SLC25A21: variants seen among roughly 807,000 people sequenced by gnomAD.
SLC25A21 encodes mitochondrial 2-oxodicarboxylate carrier.
Under a neutral mutation model 43.8 loss-of-function variants are expected in SLC25A21, and 47 were observed. That is an observed-to-expected ratio of 1.07 (90% confidence interval 0.85 to 1.37). The LOEUF (loss-of-function observed/expected upper bound fraction) is 1.37. SLC25A21 is among the 40% of genes most tolerant of loss of function. The pLI, the probability that SLC25A21 is intolerant of heterozygous loss-of-function variation, is 0.00. For missense variants in SLC25A21, 352 were observed against 350.2 expected, an observed-to-expected ratio of 1.00 and a Z score of -0.04; for synonymous variants, 131 against 121.3, an observed-to-expected ratio of 1.08 and a Z score of -0.52.
chr14:36,901,360 G>C (rs1891393850), intron 1 of SLC25A21, among the ~76,000 whole-genome samples: 1 of 152,116 alleles, frequency 6.6e-6, no homozygotes, highest in Admixed American at 6.6e-5. Flanking sequence ...AGATGGATTA[G>C]TAATCTCATA....
intron 3 of SLC25A21, among the ~76,000 whole-genome samples, chr14:36,809,605 G>A (rs1377328182): frequency 6.6e-6 from 1 of 152,176 alleles, no homozygotes; most frequent in Non-Finnish European, 1.5e-5. Context: ...TCTGAGCAGA[G>A]AGGTGAGGAA....
chr14:36,991,731 C>G (rs536310299), intron 1 of SLC25A21, among the ~76,000 whole-genome samples: 1 of 151,418 alleles, frequency 6.6e-6, no homozygotes, highest in Admixed American at 6.6e-5. Context: ...ATAACCAATA[C>G]ACAATACAGG....
At chr14:36,972,143 C>A (rs1158275676) in intron 1 of SLC25A21, among the ~76,000 whole-genome samples, 1 of 152,068 alleles carries the variant, frequency 6.6e-6, no homozygotes, top group East Asian at 1.9e-4. Flanking sequence ...GTTACAGTTG[C>A]CTACAGTATT....
chr14:36,929,920 T>C (rs1347134791), intron 1 of SLC25A21, among the ~76,000 whole-genome samples: 1 of 152,194 alleles, frequency 6.6e-6, no homozygotes, highest in Non-Finnish European at 1.5e-5. Context: ...AGAAGCCGTG[T>C]AGCTTCCACC....
chr14:37,040,432 AAAG>A (rs1961444826), intron 1 of SLC25A21, among the ~76,000 whole-genome samples: 1 of 103,750 alleles, frequency 9.6e-6, no homozygotes, highest in Admixed American at 8.3e-5. Context: ...AGAAAGAAAG[AAAG>A]AAAGAAAAGA....
chr14:36,944,710 TA>T (rs1566759321), intron 1 of SLC25A21, among the ~76,000 whole-genome samples: 1 of 152,190 alleles, frequency 6.6e-6, no homozygotes, highest in East Asian at 1.9e-4. Flanking sequence ...TTAACAAAGA[TA>T]AATTTCACAT....
chr14:37,064,073 A>AT (rs1255600464), intron 1 of SLC25A21, among the ~76,000 whole-genome samples: 1 of 152,210 alleles, frequency 6.6e-6, no homozygotes, highest in Non-Finnish European at 1.5e-5. Flanking sequence ...AGTGAGGAAG[A>AT]TTAACCCTCA....
At chr14:37,147,844 CTT>C (rs61239254) in intron 1 of SLC25A21, among the ~76,000 whole-genome samples, 1 of 126,248 alleles carries the variant, frequency 7.9e-6, no homozygotes, top group Non-Finnish European at 1.6e-5. Context: ...TTTTTCTTTT[CTT>C]TTTTTTTTTT....
rs112066080 is a variant in SLC25A21, at chr14:37,162,102, G to A, written c.70+10179C>T. Among the ~76,000 whole-genome samples, 97 of 152,184 alleles carry A rather than the reference G, an allele frequency of 6.4e-4. 1 individual carries two copies. Among genetic ancestry groups the A allele is most frequent in the African/African-American group, 2.2e-3 (93 of 41,540 alleles). On this transcript the variant is annotated intron_variant, in intron 1 of 9. Coordinates refer to ENST00000331299, the MANE Select transcript of SLC25A21 (RefSeq NM_030631.4). ...GGAATACCAAGCGTTGCTGGCAACTGCCAGAAGCTAGGAGAGAGGTGTGGG... is the reference window on the plus strand; with the variant it reads ...GGAATACCAAGCGTTGCTGGCAACTACCAGAAGCTAGGAGAGAGGTGTGGG...
At chr14:37,133,141 G>A (rs895589258) in intron 1 of SLC25A21, among the ~76,000 whole-genome samples, 7 of 111,900 alleles carry the variant, frequency 6.3e-5, no homozygotes, top group South Asian at 3.1e-4. Context: ...GTGTGCACTC[G>A]TGCACACACA....
chr14:36,784,421 C>T (rs1030440997), intron 3 of SLC25A21, among the ~76,000 whole-genome samples: 11 of 152,070 alleles, frequency 7.2e-5, no homozygotes, highest in Admixed American at 2.6e-4. Context: ...TTCTGTAGCA[C>T]TGATTCAATT....
chr14:37,161,300 T>C (rs1418992154), intron 1 of SLC25A21, among the ~76,000 whole-genome samples: 2 of 151,968 alleles, frequency 1.3e-5, no homozygotes, highest in East Asian at 1.9e-4. Flanking sequence ...GAATGAAAAA[T>C]AGCAGTTAAC....
At chr14:37,150,045 C>A (rs529722084) in intron 1 of SLC25A21, among the ~76,000 whole-genome samples, 20 of 152,172 alleles carry the variant, frequency 1.3e-4, no homozygotes, top group African/African-American at 4.3e-4. Context: ...TTAGAACTTA[C>A]ATTCAAGAAA....
In SLC25A21 at chr14:36,954,883, C is replaced by T. The variant is rs535302347; in HGVS notation, c.71-79879G>A. On this transcript the variant is annotated intron_variant, in intron 1 of 9. Coordinates refer to ENST00000331299, the MANE Select transcript of SLC25A21 (RefSeq NM_030631.4). The stretch of plus-strand genomic sequence containing the variant: ...ACAAATTCTAGGCATCCTTTAAGGC[C>T]CAGCTCAAATATTGCCACTCCTAGG... Among the ~76,000 whole-genome samples the T allele has an allele frequency of 2.0e-5, 3 of 152,200 alleles. No homozygotes were observed. In the East Asian group the frequency reaches 5.8e-4, roughly 29 times the overall value.
At chr14:36,797,563 T>G (rs1566623463) in intron 3 of SLC25A21, among the ~76,000 whole-genome samples, 2 of 152,228 alleles carry the variant, frequency 1.3e-5, no homozygotes, top group Non-Finnish European at 2.9e-5. Context: ...TGCTTTGCTC[T>G]TATCTAGAAA....
chr14:36,859,734 G>T (rs1039357240), intron 2 of SLC25A21, among the ~76,000 whole-genome samples: 2 of 152,070 alleles, frequency 1.3e-5, no homozygotes, highest in Non-Finnish European at 2.9e-5. Flanking sequence ...TGCAACTTAG[G>T]CTTTATAAAA....
At chr14:37,108,658 G>A (rs1363435009) in intron 1 of SLC25A21, among the ~76,000 whole-genome samples, 1 of 151,632 alleles carries the variant, frequency 6.6e-6, no homozygotes, top group Admixed American at 6.6e-5. Flanking sequence ...TTGAAATTCA[G>A]GAAAATCACC....
intron 1 of SLC25A21, among the ~76,000 whole-genome samples, chr14:36,943,338 C>T (rs1395429692): frequency 4.6e-5 from 7 of 152,028 alleles, no homozygotes; most frequent in African/African-American, 1.2e-4. Flanking sequence ...ATTACAGGCA[C>T]GCTCCACCAC....
At chr14:36,891,597 T>C (rs570557201) in intron 1 of SLC25A21, among the ~76,000 whole-genome samples, 1 of 152,296 alleles carries the variant, frequency 6.6e-6, no homozygotes, top group South Asian at 2.1e-4. Context: ...GTATTTATAC[T>C]CCTGGGAACA....
Sources: gnomAD v4.1 joint callset for allele counts (sites outside exome capture counted in the v4.1 genomes callset) on GRCh38, gnomAD v4.1.1 for gene constraint, MANE v1.5 for transcripts, NCBI Gene and HGNC (gene_info 2026-07-23, HGNC 2026-07-21) for gene names.